Variants in NCALD observed in about 807,000 individuals in gnomAD.
NCALD encodes the protein neurocalcin delta, also known as neurocalcin-delta.
In NCALD, 10 loss-of-function variants were observed where a neutral mutation model predicts 18.6. The ratio of observed to expected loss-of-function variants is 0.54; its 90% CI spans 0.33 to 0.91. The LOEUF is 0.91. NCALD is among the 40% of genes least tolerant of loss of function. The pLI, the probability that NCALD is intolerant of heterozygous loss-of-function variation, is 0.03. For missense variants in NCALD, 184 were observed against 247.6 expected (o/e 0.74, Z 1.72); for synonymous variants, 88 against 87.4 (o/e 1.01, Z -0.04).
intron 1 of NCALD, among the ~76,000 whole-genome samples, chr8:101,737,203 C>T (rs1809961504): frequency 2.0e-5 from 3 of 152,052 alleles, no homozygotes. Context: ...ACCAGTGTCA[C>T]CTCCTGAGTA....
At chr8:101,874,007 G>C (rs1431643499) in intron 4 of NCALD, among the ~76,000 whole-genome samples, 2 of 152,198 alleles carry the variant, frequency 1.3e-5, no homozygotes, top group African/African-American at 2.4e-5. Context: ...CCAGGAAATA[G>C]TAGCAGAACT....
intron 2 of NCALD, among the ~76,000 whole-genome samples, chr8:101,933,099 GACCTAGGATCATGGTCTACCCTA>G (rs1818637523): frequency 6.6e-6 from 1 of 152,142 alleles, no homozygotes; most frequent in South Asian, 2.1e-4. Context: ...TTTCTACCCT[GACCTAGGATCATGGTCTACCCTA>G]ACCTAGGATC....
chr8:101,710,138 G>A (rs1177226569), intron 2 of NCALD, among the ~76,000 whole-genome samples: 2 of 152,162 alleles, frequency 1.3e-5, no homozygotes, highest in East Asian at 1.9e-4. Flanking sequence ...GCAGAAGCAG[G>A]GTGGGCTGTT....
At chr8:101,805,887 G>A (rs1813083327) in intron 4 of NCALD, among the ~76,000 whole-genome samples, 1 of 152,166 alleles carries the variant, frequency 6.6e-6, no homozygotes, top group South Asian at 2.1e-4. Flanking sequence ...GAACTTCACT[G>A]GATGAATTTA....
chr8:101,803,966 C>T (rs1031202846), intron 4 of NCALD, among the ~76,000 whole-genome samples: 10 of 152,034 alleles, frequency 6.6e-5, no homozygotes, highest in Admixed American at 3.3e-4. Flanking sequence ...GAAGAGCCAA[C>T]CGATGTGGTA....
intron 2 of NCALD, among the ~76,000 whole-genome samples, chr8:101,964,267 T>C (rs572861205): frequency 9.8e-4 from 149 of 152,326 alleles, no homozygotes; most frequent in African/African-American, 3.5e-3. Context: ...TTTCTTTGCA[T>C]ATATCTATTA....
intron 1 of NCALD, among the ~76,000 whole-genome samples, chr8:102,063,338 C>T (rs751797641): frequency 5.3e-5 from 8 of 152,100 alleles, no homozygotes; most frequent in East Asian, 1.9e-4. Context: ...CTATACTTGA[C>T]GCAGATGCAT....
chr8:102,056,585 T>A (rs747801006), intron 1 of NCALD, among the ~76,000 whole-genome samples: 1 of 152,218 alleles, frequency 6.6e-6, no homozygotes, highest in Non-Finnish European at 1.5e-5. Context: ...GGCCAGGCTG[T>A]CCCATGGACT....
At chr8:102,079,724 C>T (rs1824464205) in intron 1 of NCALD, among the ~76,000 whole-genome samples, 1 of 152,236 alleles carries the variant, frequency 6.6e-6, no homozygotes. Context: ...GCACCTCCCA[C>T]AGCTAATCAC....
intron 4 of NCALD, among the ~76,000 whole-genome samples, chr8:101,869,779 T>G (rs1815929758): frequency 1.3e-5 from 2 of 152,206 alleles, no homozygotes; most frequent in African/African-American, 4.8e-5. Flanking sequence ...ATGACCAAAA[T>G]TGTAGGTATT....
chr8:102,109,492 C>T (rs1192097064), intron 1 of NCALD, among the ~76,000 whole-genome samples: 1 of 152,112 alleles, frequency 6.6e-6, no homozygotes, highest in Admixed American at 6.5e-5. Context: ...AGCTGAGTAG[C>T]AAACCCTGTC....
At chr8:101,997,364 G>T (rs1403787761) in intron 2 of NCALD, among the ~76,000 whole-genome samples, 1 of 152,072 alleles carries the variant, frequency 6.6e-6, no homozygotes, top group Non-Finnish European at 1.5e-5. Flanking sequence ...TATTTTTAAA[G>T]AGCATGCTTT....
chr8:102,075,740 G>T (rs1350177376), intron 1 of NCALD, among the ~76,000 whole-genome samples: 1 of 152,082 alleles, frequency 6.6e-6, no homozygotes, highest in Non-Finnish European at 1.5e-5. Flanking sequence ...GGATTACAAG[G>T]TCAGGAGTTC....
chr8:101,980,055 G>C (rs549788984), intron 2 of NCALD, among the ~76,000 whole-genome samples: 1 of 152,290 alleles, frequency 6.6e-6, no homozygotes, highest in South Asian at 2.1e-4. Context: ...GGCCAAAATG[G>C]GGGTGGGGGC....
At chr8:101,712,610 A>AAAAAAC in intron 2 of NCALD, among the ~76,000 whole-genome samples, 1 of 144,866 alleles carries the variant, frequency 6.9e-6, no homozygotes, top group Non-Finnish European at 1.5e-5. Flanking sequence ...AAAAAAAAAA[A>AAAAAAC]ATAGCAGAGG....
At chr8:101,802,469 C>A (rs763922221) in intron 4 of NCALD, among the ~76,000 whole-genome samples, 11 of 151,966 alleles carry the variant, frequency 7.2e-5, no homozygotes, top group Admixed American at 1.3e-4. Flanking sequence ...GTGTTGAAAG[C>A]CAAGACAGGC....
At chr8:102,116,396 C>T (rs1453653106) in intron 1 of NCALD, among the ~76,000 whole-genome samples, 2 of 152,204 alleles carry the variant, frequency 1.3e-5, no homozygotes, top group African/African-American at 4.8e-5. Context: ...ATCCTAACTA[C>T]TGAGCTCTGT....
intron 3 of NCALD, among the ~76,000 whole-genome samples, chr8:101,892,247 G>A (rs188156385): frequency 6.8e-6 from 1 of 146,574 alleles, no homozygotes; most frequent in Non-Finnish European, 1.5e-5. Context: ...CCCCAAGCAG[G>A]GGCACACTGA....
chr8:101,923,957 T>C (rs1444139935), intron 2 of NCALD, among the ~76,000 whole-genome samples: 1 of 152,202 alleles, frequency 6.6e-6, no homozygotes, highest in Non-Finnish European at 1.5e-5. Context: ...AGGATACATG[T>C]GCAGATTTGC....
Sources: allele counts gnomAD v4.1 joint callset (sites outside exome capture counted in the v4.1 genomes callset), GRCh38; gene constraint gnomAD v4.1.1; transcripts MANE v1.5; gene names NCBI Gene and HGNC (gene_info 2026-07-23, HGNC 2026-07-21).